CAMTA1: variants seen among roughly 807,000 people sequenced by gnomAD.
The protein encoded by CAMTA1 is calmodulin binding transcription activator 1.
Under a neutral mutation model 170.9 loss-of-function variants are expected in CAMTA1, and 27 were observed. The ratio of observed to expected loss-of-function variants is 0.16; its 90% CI spans 0.12 to 0.22. CAMTA1 has a LOEUF of 0.22. Among genes scored for constraint, CAMTA1 ranks in the 10% least tolerant of loss-of-function variants. CAMTA1 has a pLI of 1.00. For synonymous variants in CAMTA1, 833 were observed against 891.5 expected (o/e 0.93, Z 1.17); for missense variants, 1,619 against 2,217.2 (o/e 0.73, Z 5.42).
chr1:7,388,008 C>T (rs2088209740), intron 5 of CAMTA1, among the ~76,000 whole-genome samples: 1 of 152,166 alleles, frequency 6.6e-6, no homozygotes, highest in African/African-American at 2.4e-5. Flanking sequence ...CTTCCCCTGC[C>T]AAGTCAGAGA....
At chr1:7,688,047 C>T (rs1380398993) in intron 11 of CAMTA1, among the ~76,000 whole-genome samples, 1 of 113,396 alleles carries the variant, frequency 8.8e-6, no homozygotes, top group Non-Finnish European at 1.7e-5. Context: ...CTTGCTCTGT[C>T]GTTCAGGCTA....
Position 7,642,337 on chromosome 1 carries a change from G to C in CAMTA1, c.664+1784G>C, listed in dbSNP as rs918475312. ...TGGAAATAGCCCTGGAATGGTGGGG[G>C]GGAAGGGACCTGCCCAGGGTCCTGA... On this transcript the variant is annotated intron_variant, in intron 7 of 22. Coordinates refer to ENST00000303635, the MANE Select transcript of CAMTA1 (RefSeq NM_015215.4). This position sits in a 1 kb window ranked among gnomAD's most constrained non-coding sequence, Gnocchi z 6.3. 6.6e-6 allele frequency among the ~76,000 whole-genome samples: 1 copy of C among 152,182 alleles called. No individual in the cohort carries two copies. The highest frequency in any genetic ancestry group is 2.4e-5 in the African/African-American group (1 of 41,452).
intron 6 of CAMTA1, among the ~76,000 whole-genome samples, chr1:7,518,495 G>A (rs922011434): frequency 2.0e-5 from 3 of 152,094 alleles, no homozygotes; most frequent in Admixed American, 2.0e-4. Flanking sequence ...TCCCCCCACG[G>A]GGCAGTTGCC....
rs930436139 is a variant in CAMTA1 at position 7,302,117 on chromosome 1, T to C, written c.438+52491T>C. ...GGATTGTTTTTCCAAGACAAAATTATGCATTTGTCAATACAGCAAAAGCAT... is the reference window on the plus strand; with the variant it reads ...GGATTGTTTTTCCAAGACAAAATTACGCATTTGTCAATACAGCAAAAGCAT... On this transcript the variant is annotated intron_variant, in intron 5 of 22. Coordinates refer to ENST00000303635, the MANE Select transcript of CAMTA1 (RefSeq NM_015215.4). Among the ~76,000 whole-genome samples the C allele has an allele frequency of 2.6e-4, 39 of 151,240 alleles. 1 individual carries two copies. The highest frequency in any genetic ancestry group is 9.0e-4 in the African/African-American group (37 of 41,226).
intron 22 of CAMTA1, among the ~76,000 whole-genome samples, chr1:7,763,170 T>C (rs769547634): frequency 1.3e-5 from 2 of 152,218 alleles, no homozygotes; most frequent in Non-Finnish European, 1.5e-5. Flanking sequence ...AATGGCAGTG[T>C]TGTGAGGACT....
In CAMTA1 at chr1:7,732,539, G is replaced by T. The variant is rs372726560; in HGVS notation, c.3006G>T (p.Ala1002=). 1 of 1,613,492 alleles carries T rather than the reference G, an allele frequency of 6.2e-7. No individual in the cohort carries two copies. The highest frequency in any genetic ancestry group is 8.5e-7 in the Non-Finnish European group (1 of 1,179,956). The change falls in exon 12 of 23, where the codon GCG becomes GCT. Residue 1002 remains alanine (A), a synonymous_variant. Transcript: ENST00000303635. The surrounding 1 kb of genome is among the most constrained non-coding windows in gnomAD (Gnocchi z 4.1). The stretch of plus-strand genomic sequence containing the variant: ...CGGGGTCCCAGCAGCACAAACAGGC[G>T]AGCGGAGGCGGCAGCAGTGGAGGCG... ...EMTGSQQHKQ[A]SGGGSSGGGS... is the part of the protein sequence containing the mutation.
intron 3 of CAMTA1, among the ~76,000 whole-genome samples, chr1:7,074,221 T>C (rs1401920334): frequency 6.6e-6 from 1 of 152,190 alleles, no homozygotes; most frequent in South Asian, 2.1e-4. Context: ...AATCCCACAC[T>C]CCTGCTAAGT....
At chr1:7,167,167 A>G (rs2148804456) in intron 4 of CAMTA1, among the ~76,000 whole-genome samples, 1 of 152,228 alleles carries the variant, frequency 6.6e-6, no homozygotes, top group African/African-American at 2.4e-5. Context: ...CTTGTTTACT[A>G]AATCTTTATC....
At chr1:7,214,494 G>T (rs1380645272) in intron 4 of CAMTA1, among the ~76,000 whole-genome samples, 1 of 152,120 alleles carries the variant, frequency 6.6e-6, no homozygotes, top group Non-Finnish European at 1.5e-5. Context: ...AGCCTCCCAA[G>T]TAGTGGGGAC....
In CAMTA1 at chr1:7,768,425, G is replaced by GT. The variant is rs1206680861; in HGVS notation, c.*1940dup. On this transcript the variant is annotated 3_prime_UTR_variant, in exon 23 of 23. Transcript: ENST00000303635. Reference sequence around the variant, plus strand: ...GGATCAGTTGGTGTAAAGCTGAGATGTTTTTTCTTGGTTCTGGCTGCCAAC... The same window carrying GT: ...GGATCAGTTGGTGTAAAGCTGAGATGTTTTTTTCTTGGTTCTGGCTGCCAAC... The GT allele has an allele frequency of 1.3e-5, 2 of 152,772 alleles. No individual in the cohort carries two copies. The highest frequency in any genetic ancestry group is 6.5e-5 in the Admixed American group (1 of 15,278). 9.5% of individuals were successfully genotyped at this position (152,772 alleles called of 1,614,324 possible).
chr1:7,678,617 CCTGGGGGGCTGAGCCCAGTACA>C (rs1436243469), intron 11 of CAMTA1, among the ~76,000 whole-genome samples: 1 of 152,170 alleles, frequency 6.6e-6, no homozygotes, highest in African/African-American at 2.4e-5. Context: ...CTAGCCAAGG[CCTGGGGGGCTGAGCCCAGTACA>C]CTGGGGATGC....
At chr1:7,551,196 G>A in intron 6 of CAMTA1, among the ~76,000 whole-genome samples, 1 of 152,260 alleles carries the variant, frequency 6.6e-6, no homozygotes, top group East Asian at 1.9e-4. Flanking sequence ...TGCCCAGAGG[G>A]GAGAAGCAAG....
intron 6 of CAMTA1, among the ~76,000 whole-genome samples, chr1:7,623,699 T>C (rs1041463450): frequency 1.3e-5 from 2 of 152,226 alleles, no homozygotes; most frequent in African/African-American, 2.4e-5. Context: ...GATTTCACCA[T>C]GTTGGCCAGG....
chr1:7,136,833 T>A (rs1323215997), intron 4 of CAMTA1, among the ~76,000 whole-genome samples: 1 of 152,224 alleles, frequency 6.6e-6, no homozygotes, highest in African/African-American at 2.4e-5. Flanking sequence ...TCCTTCTTTG[T>A]CCTGCTAACC....
At chr1:7,323,903 C>G (rs1194920076) in intron 5 of CAMTA1, among the ~76,000 whole-genome samples, 1 of 152,192 alleles carries the variant, frequency 6.6e-6, no homozygotes. Context: ...TATAGTTTCT[C>G]TCAAATTTGA....
intron 5 of CAMTA1, among the ~76,000 whole-genome samples, chr1:7,276,303 A>ATATATATATATATATTTT: frequency 1.2e-4 from 3 of 24,228 alleles, no homozygotes; most frequent in African/African-American, 3.0e-4. Flanking sequence ...ATATATATAT[A>ATATATATATATATATTTT]TTTTTTTTTT....
chr1:7,502,654 A>G (rs1269613669), intron 6 of CAMTA1, among the ~76,000 whole-genome samples: 1 of 152,158 alleles, frequency 6.6e-6, no homozygotes, highest in Non-Finnish European at 1.5e-5. Flanking sequence ...TTTGACCCCA[A>G]GGAGAAGCGA....
chr1:7,166,073 C>CTT (rs951058079), intron 4 of CAMTA1, among the ~76,000 whole-genome samples: 2 of 146,162 alleles, frequency 1.4e-5, no homozygotes, highest in Non-Finnish European at 1.5e-5. Context: ...TGGATACTCT[C>CTT]TTTTTTTTTT....
intron 6 of CAMTA1, among the ~76,000 whole-genome samples, chr1:7,567,839 G>A (rs895386189): frequency 5.3e-5 from 8 of 152,142 alleles, no homozygotes; most frequent in Non-Finnish European, 1.2e-4. Flanking sequence ...GAAAACTCCG[G>A]TCCCAAACAA....
Sources: gnomAD v4.1 joint callset for allele counts (sites outside exome capture counted in the v4.1 genomes callset) on GRCh38, gnomAD v4.1.1 for gene constraint, Gnocchi (gnomAD v3.1) non-coding constraint, MANE v1.5 for transcripts, NCBI Gene and HGNC (gene_info 2026-07-23, HGNC 2026-07-21) for gene names.